REV1: variants seen among roughly 807,000 people sequenced by gnomAD.
The protein encoded by REV1 is REV1 DNA directed polymerase.
A neutral mutation model predicts 137.4 loss-of-function variants in REV1; 42 were observed. The observed-to-expected ratio is 0.31, with a 90% CI of 0.24 to 0.40. The LOEUF (loss-of-function observed/expected upper bound fraction) is 0.40, where lower values mean the gene tolerates loss of function less well. REV1 is among the 10% of genes least tolerant of loss of function. REV1 has a pLI of 1.00. For missense variants in REV1, 1,282 were observed against 1,490.1 expected (o/e 0.86, Z 2.30); for synonymous variants, 524 against 519.2 (o/e 1.01, Z -0.12).
intron 14 of REV1, among the ~76,000 whole-genome samples, chr2:99,410,222 G>A (rs1676950598): frequency 1.3e-5 from 2 of 152,098 alleles, no homozygotes; most frequent in Non-Finnish European, 2.9e-5. Flanking sequence ...TGTTGGCCAG[G>A]CTGGTCTCAA....
In REV1 at chr2:99,418,934, G is replaced by A; in HGVS notation, c.1845C>T (p.Leu615=). ...CTTTTCTAGTTGCCATTCTAGCCAG[G>A]AGAATATTAGAACCTATTAAAAAAA... The part of the protein sequence containing the change: ...AASVGIGSNI[L]LARMATRKAK... The change falls in exon 12 of 23, where the codon CTC becomes CTT. Residue 615 remains leucine (L), a synonymous_variant. Coordinates refer to ENST00000258428, the MANE Select transcript of REV1 (RefSeq NM_016316.4). The A allele has an allele frequency of 1.9e-6, 3 of 1,609,386 alleles. No individual in the cohort carries two copies. The highest frequency in any genetic ancestry group is 2.5e-6 in the Non-Finnish European group (3 of 1,176,826).
intron 1 of REV1, among the ~76,000 whole-genome samples, chr2:99,480,357 C>T (rs1311821928): frequency 6.6e-6 from 1 of 152,120 alleles, no homozygotes; most frequent in Non-Finnish European, 1.5e-5. Context: ...GGACAACATT[C>T]TAGAACTTAC....
chr2:99,411,709 CCTTT>C (rs939487956), intron 13 of REV1, among the ~76,000 whole-genome samples: 16 of 150,822 alleles, frequency 1.1e-4, no homozygotes, highest in African/African-American at 2.2e-4. Flanking sequence ...GCATAGGGCC[CCTTT>C]CTTTCTTTTC....
At chr2:99,430,938 C>T (rs1213177960) in intron 8 of REV1, among the ~76,000 whole-genome samples, 1 of 152,078 alleles carries the variant, frequency 6.6e-6, no homozygotes, top group Non-Finnish European at 1.5e-5. Flanking sequence ...GTAAAACAAA[C>T]CCAAAATATA....
At chr2:99,485,836 C>T (rs2104315373) in intron 1 of REV1, among the ~76,000 whole-genome samples, 1 of 152,268 alleles carries the variant, frequency 6.6e-6, no homozygotes, top group Admixed American at 6.5e-5. Flanking sequence ...TAAAATTTAG[C>T]CAGACACAGT....
At chr2:99,465,407 T>C (rs1684683928) in intron 1 of REV1, among the ~76,000 whole-genome samples, 1 of 152,236 alleles carries the variant, frequency 6.6e-6, no homozygotes, top group South Asian at 2.1e-4. Flanking sequence ...TGCTATTACA[T>C]ACTGGACACT....
chr2:99,439,388 T>C, intron 5 of REV1, 78 bp from the exon 6 acceptor site: 1 of 988,728 alleles, frequency 1.0e-6, no homozygotes, highest in Middle Eastern at 2.5e-4. Flanking sequence ...ATCATTTTCT[T>C]AGTGGTACAC....
chr2:99,419,761 A>C (rs1277365674), intron 11 of REV1, among the ~76,000 whole-genome samples: 1 of 152,234 alleles, frequency 6.6e-6, no homozygotes, highest in Non-Finnish European at 1.5e-5. Flanking sequence ...GTGGAGGAAA[A>C]GGGCACCAAG....
chr2:99,457,148 T>A (rs1027619968), intron 3 of REV1, among the ~76,000 whole-genome samples: 2 of 152,176 alleles, frequency 1.3e-5, no homozygotes, highest in African/African-American at 2.4e-5. Flanking sequence ...TACTTTTTCA[T>A]CACAAAATCC....
At chr2:99,484,279 G>T (rs565326011) in intron 1 of REV1, among the ~76,000 whole-genome samples, 2 of 152,204 alleles carry the variant, frequency 1.3e-5, no homozygotes, top group Admixed American at 6.5e-5. Context: ...TGTGTATCAG[G>T]CTTAATACCT....
chr2:99,431,740 C>T, intron 8 of REV1: 1 of 985,436 alleles, frequency 1.0e-6, no homozygotes, highest in East Asian at 1.1e-4. Context: ...GGCTGGCTGA[C>T]CTGTTCCACA....
intron 5 of REV1, among the ~76,000 whole-genome samples, chr2:99,441,320 GA>G (rs1681466590): frequency 2.0e-5 from 3 of 151,392 alleles, no homozygotes; most frequent in Admixed American, 6.6e-5. Flanking sequence ...TGGTGTTTTC[GA>G]AAAAAAATAT....
chr2:99,409,923 A>G (rs1676902796), intron 14 of REV1, among the ~76,000 whole-genome samples: 1 of 140,610 alleles, frequency 7.1e-6, no homozygotes. Flanking sequence ...ACAGTGATTC[A>G]TTCATCTTTT....
intron 8 of REV1, among the ~76,000 whole-genome samples, chr2:99,432,773 T>C (rs1680277937): frequency 6.6e-6 from 1 of 152,218 alleles, no homozygotes; most frequent in Non-Finnish European, 1.5e-5. Context: ...GATGTGATTA[T>C]AGAAGGTCAT....
intron 4 of REV1, among the ~76,000 whole-genome samples, chr2:99,446,771 G>A (rs771912910): frequency 2.0e-5 from 3 of 152,128 alleles, no homozygotes; most frequent in Non-Finnish European, 4.4e-5. Context: ...GGGATTACAT[G>A]CATGAGCTAT....
In REV1 at chr2:99,440,491, T is replaced by C. The variant is rs552921708; in HGVS notation, c.504-1181A>G. 2.2e-3 allele frequency among the ~76,000 whole-genome samples: 332 copies of C among 152,350 alleles called. 4 individuals are homozygous for C. Among genetic ancestry groups the C allele is most frequent in the African/African-American group, 7.4e-3 (306 of 41,586 alleles). ...CACAAGCTGGATGATCACCCATTTC[T>C]GGGTTAGCTCAGGCTCTGGCTAAAC... On this transcript the variant is annotated intron_variant, in intron 5 of 22. Transcript: ENST00000258428.
chr2:99,455,487 A>C (rs1458414272), intron 3 of REV1, among the ~76,000 whole-genome samples: 2 of 152,230 alleles, frequency 1.3e-5, no homozygotes, highest in Non-Finnish European at 2.9e-5. Flanking sequence ...GAAAAGTTTC[A>C]AATGCTTAGG....
At chr2:99,484,930 C>T (rs1686985409) in intron 1 of REV1, among the ~76,000 whole-genome samples, 1 of 152,160 alleles carries the variant, frequency 6.6e-6, no homozygotes, top group Non-Finnish European at 1.5e-5. Context: ...TATAATGGTG[C>T]CAACCTTATA....
chr2:99,476,032 T>C (rs1228885680), intron 1 of REV1, among the ~76,000 whole-genome samples: 1 of 152,218 alleles, frequency 6.6e-6, no homozygotes, highest in Non-Finnish European at 1.5e-5. Context: ...TCTACACATC[T>C]AGTTTTAAAA....
Sources: gnomAD v4.1 joint callset for allele counts (sites outside exome capture counted in the v4.1 genomes callset) on GRCh38, gnomAD v4.1.1 for gene constraint, MANE v1.5 for transcripts, NCBI Gene and HGNC (gene_info 2026-07-23, HGNC 2026-07-21) for gene names.